The following EXOC6B variants were observed in gnomAD, a reference collection of about 807,000 sequenced individuals.
The protein encoded by EXOC6B is SEC15 homolog B.
In EXOC6B, 54 loss-of-function variants were observed where a neutral mutation model predicts 113.5. That is an observed-to-expected ratio of 0.48 (90% confidence interval 0.38 to 0.60). The LOEUF (loss-of-function observed/expected upper bound fraction) is 0.60. EXOC6B is among the 20% of genes least tolerant of loss of function. The probability of loss-of-function intolerance (pLI) is 0.00; values close to 1 mark genes in which losing one functional copy is unlikely to be tolerated. For missense variants in EXOC6B, 797 were observed against 977.5 expected (o/e 0.82, Z 2.46); for synonymous variants, 357 against 339.0 (o/e 1.05, Z -0.58).
At chr2:72,221,390 T>G (rs1680855424) in intron 20 of EXOC6B, among the ~76,000 whole-genome samples, 1 of 152,160 alleles carries the variant, frequency 6.6e-6, no homozygotes, top group Non-Finnish European at 1.5e-5. Context: ...CTCACAGATA[T>G]CCGCCTATTT....
intron 19 of EXOC6B, among the ~76,000 whole-genome samples, chr2:72,376,881 T>C (rs1411634145): frequency 1.3e-5 from 2 of 151,190 alleles, no homozygotes; most frequent in Admixed American, 6.6e-5. Context: ...TCAAAGGCTA[T>C]TGAGTTTTGT....
chr2:72,476,426 T>C (rs1031010601), intron 17 of EXOC6B, among the ~76,000 whole-genome samples: 3 of 152,296 alleles, frequency 2.0e-5, no homozygotes, highest in Non-Finnish European at 4.4e-5. Context: ...GTGGAGGAGG[T>C]GAGTATGAAA....
At chr2:72,405,409 C>T (rs1693668540) in intron 18 of EXOC6B, among the ~76,000 whole-genome samples, 1 of 152,144 alleles carries the variant, frequency 6.6e-6, no homozygotes, top group Non-Finnish European at 1.5e-5. Context: ...GTCAGATTCA[C>T]CGAAGTTCAA....
chr2:72,573,882 G>C (rs577567454), intron 7 of EXOC6B, among the ~76,000 whole-genome samples: 1 of 152,120 alleles, frequency 6.6e-6, no homozygotes, highest in Admixed American at 6.5e-5. Flanking sequence ...TTAGGAGTCC[G>C]AGTCGGGTGG....
intron 8 of EXOC6B, among the ~76,000 whole-genome samples, chr2:72,528,768 C>G (rs761086536): frequency 3.9e-5 from 6 of 152,026 alleles, no homozygotes; most frequent in Non-Finnish European, 7.4e-5. Context: ...TAGATTGAAA[C>G]TAAGTATTTC....
chr2:72,516,308 C>T (rs1267123158), intron 8 of EXOC6B, among the ~76,000 whole-genome samples: 1 of 152,048 alleles, frequency 6.6e-6, no homozygotes, highest in Non-Finnish European at 1.5e-5. Flanking sequence ...AGTGCAGTGG[C>T]ACAGTCTCGG....
chr2:72,781,306 T>C (rs945193911), intron 1 of EXOC6B, among the ~76,000 whole-genome samples: 3 of 152,224 alleles, frequency 2.0e-5, no homozygotes, highest in Non-Finnish European at 4.4e-5. Flanking sequence ...GACTAGATTA[T>C]GCTACTATAA....
chr2:72,448,970 A>G (rs1247946586), intron 18 of EXOC6B, among the ~76,000 whole-genome samples: 1 of 152,246 alleles, frequency 6.6e-6, no homozygotes, highest in Non-Finnish European at 1.5e-5. Flanking sequence ...AAAGAGTCGT[A>G]TGAAATTCAT....
chr2:72,498,606 GTT>G (rs74263957), intron 12 of EXOC6B, 55 bp from the exon 13 acceptor site: 2,621 of 833,522 alleles, frequency 3.1e-3, no homozygotes, highest in South Asian at 4.7e-3. Flanking sequence ...TTTTTTTTCG[GTT>G]TTTTTTTTTT....
At chr2:72,780,788 C>T (rs962327851) in intron 1 of EXOC6B, among the ~76,000 whole-genome samples, 2 of 152,150 alleles carry the variant, frequency 1.3e-5, no homozygotes, top group African/African-American at 2.4e-5. Context: ...AATTCAACAG[C>T]AGCTATACCA....
intron 8 of EXOC6B, among the ~76,000 whole-genome samples, chr2:72,554,166 A>G (rs1703401210): frequency 2.0e-5 from 3 of 152,210 alleles, no homozygotes; most frequent in Non-Finnish European, 4.4e-5. Flanking sequence ...TTAACAGTAC[A>G]AACAATAGCC....
intron 8 of EXOC6B, among the ~76,000 whole-genome samples, chr2:72,543,134 G>A (rs1038130499): frequency 3.3e-5 from 5 of 152,146 alleles, no homozygotes; most frequent in African/African-American, 1.2e-4. Flanking sequence ...AGCACATGGA[G>A]TATGGTGTAT....
At chr2:72,566,036 GT>G (rs1317566695) in intron 7 of EXOC6B, among the ~76,000 whole-genome samples, 1 of 151,756 alleles carries the variant, frequency 6.6e-6, no homozygotes, top group Non-Finnish European at 1.5e-5. Flanking sequence ...GTTTTAAAGT[GT>G]TTTGCGTATG....
At chr2:72,796,511 TC>T (rs1004228213) in intron 1 of EXOC6B, among the ~76,000 whole-genome samples, 27 of 151,732 alleles carry the variant, frequency 1.8e-4, no homozygotes, top group Admixed American at 1.3e-4. Flanking sequence ...CATAATCTTT[TC>T]CCCCACTAGA....
At chr2:72,687,447 A>C (rs572186027) in intron 6 of EXOC6B, among the ~76,000 whole-genome samples, 102 of 152,058 alleles carry the variant, frequency 6.7e-4, no homozygotes, top group African/African-American at 2.4e-3. Flanking sequence ...CCTCCTCAAA[A>C]CTTGACTAAA....
intron 17 of EXOC6B, among the ~76,000 whole-genome samples, chr2:72,474,775 C>T (rs146144924): frequency 6.6e-6 from 1 of 151,944 alleles, no homozygotes; most frequent in African/African-American, 2.4e-5. Flanking sequence ...TCTTTGGGAC[C>T]TGTTGTTGGA....
At chr2:72,192,470 T>G (rs918456388) in intron 20 of EXOC6B, among the ~76,000 whole-genome samples, 2 of 152,150 alleles carry the variant, frequency 1.3e-5, no homozygotes, top group East Asian at 1.9e-4. Flanking sequence ...CCCAGACATT[T>G]GAATTCAAGG....
chr2:72,554,753 T>C lies in EXOC6B; in HGVS notation c.915+4700A>G, dbSNP rs1276818171. On this transcript the variant is annotated intron_variant, in intron 8 of 21. Coordinates refer to ENST00000272427, the MANE Select transcript of EXOC6B (RefSeq NM_015189.3). ...AGTTCTACACAACTTTCTTTGTTTT[T>C]ATTTTTTATTTTTTTATTATACTCT... Among the ~76,000 whole-genome samples the C allele has an allele frequency of 3.3e-5, 5 of 152,284 alleles. 1 individual carries two copies. The highest frequency in any genetic ancestry group is 2.6e-4 in the Admixed American group (4 of 15,282).
intron 6 of EXOC6B, among the ~76,000 whole-genome samples, chr2:72,700,891 C>T (rs144479431): frequency 2.6e-5 from 4 of 152,146 alleles, no homozygotes; most frequent in African/African-American, 9.6e-5. Flanking sequence ...ACAGAGGTTG[C>T]AGTGAGCCGA....
Sources: gnomAD v4.1 joint callset for allele counts (sites outside exome capture counted in the v4.1 genomes callset) on GRCh38, gnomAD v4.1.1 for gene constraint, MANE v1.5 for transcripts, NCBI Gene and HGNC (gene_info 2026-07-23, HGNC 2026-07-21) for gene names.